The following CPAMD8 variants were observed in gnomAD, a reference collection of about 807,000 sequenced individuals.
The protein encoded by CPAMD8 is C3 and PZP like alpha-2-macroglobulin domain containing 8.
Under a neutral mutation model 224.7 loss-of-function variants are expected in CPAMD8, and 146 were observed. The observed-to-expected ratio is 0.65, with a 90% CI of 0.57 to 0.75. The LOEUF is 0.75. Ranked by LOEUF, CPAMD8 falls within the 30% of genes least tolerant of loss-of-function variation. CPAMD8 has a pLI of 0.00. For missense variants in CPAMD8, 2,301 were observed against 2,537.5 expected (o/e 0.91, Z 2.00); for synonymous variants, 966 against 1,044.6 (o/e 0.92, Z 1.45).
chr19:16,978,559 G>A (rs2055363914), intron 14 of CPAMD8, among the ~76,000 whole-genome samples: 1 of 152,148 alleles, frequency 6.6e-6, no homozygotes, highest in African/African-American at 2.4e-5. Flanking sequence ...GCTACCCAGG[G>A]GATGCTGGCA....
Position 16,898,295 on chromosome 19 carries a change from C to G in CPAMD8, c.4849-301G>C, listed in dbSNP as rs143845529. On this transcript the variant is annotated intron_variant, in intron 37 of 41. Transcript: ENST00000443236. This position sits in a 1 kb window ranked among gnomAD's most constrained non-coding sequence, Gnocchi z 4.2. The stretch of plus-strand genomic sequence containing the variant: ...AAGTAGCTGGGATAACAGGCGCCCA[C>G]CACCGCACCCTGCTAATTTTTTGTA... Among the ~76,000 whole-genome samples, 137 of 152,086 alleles carry G rather than the reference C, an allele frequency of 9.0e-4. No individual in the cohort carries two copies. Among genetic ancestry groups the G allele is most frequent in the African/African-American group, 3.2e-3 (133 of 41,488 alleles).
intron 31 of CPAMD8, 30 bp from the exon 32 acceptor site, chr19:16,904,392 T>C (rs749342501): frequency 1.2e-5 from 20 of 1,613,890 alleles, no homozygotes; most frequent in Non-Finnish European, 1.6e-5. Context: ...CTGGGGACTT[T>C]TGACACAGGG....
At chr19:16,940,819 C>G (rs2053863157) in intron 22 of CPAMD8, among the ~76,000 whole-genome samples, 1 of 152,234 alleles carries the variant, frequency 6.6e-6, no homozygotes, top group South Asian at 2.1e-4. Context: ...CCAGGGAAGG[C>G]CCCAGAAGCA....
chr19:16,979,470 TC>T, intron 14 of CPAMD8, among the ~76,000 whole-genome samples: 1 of 60,282 alleles, frequency 1.7e-5, no homozygotes, highest in African/African-American at 1.6e-4. Context: ...ATCTGTCCAT[TC>T]ATCCATCCAT....
At chr19:16,979,632 ATCTT>A (rs2122753818) in intron 14 of CPAMD8, among the ~76,000 whole-genome samples, 1 of 152,120 alleles carries the variant, frequency 6.6e-6, no homozygotes, top group African/African-American at 2.4e-5. Context: ...CCATTCATCC[ATCTT>A]TCTATCTGTC....
Position 16,896,334 on chromosome 19 carries a change from G to T in CPAMD8, c.5276-8C>A, listed in dbSNP as rs2051987039. 6.3e-7 allele frequency: 1 copy of T among 1,599,910 alleles called. No individual in the cohort carries two copies. The highest frequency in any genetic ancestry group is 1.3e-5 in the African/African-American group (1 of 74,578). On this transcript the variant is annotated splice_region_variant and splice_polypyrimidine_tract_variant and intron_variant, in intron 40 of 41. Transcript: ENST00000443236. ...AGGCCGGCAGCCGCTGCTCTGGAAG[G>T]AAGGGGGCCTCGGTCGGGAGGGCGT...
intron 29 of CPAMD8, among the ~76,000 whole-genome samples, chr19:16,913,590 C>T: frequency 6.6e-6 from 1 of 152,120 alleles, no homozygotes; most frequent in East Asian, 1.9e-4. Context: ...TTGTTGAAGC[C>T]ACTTACTCCA....
chr19:16,997,625 C>T (rs112755187), intron 10 of CPAMD8, among the ~76,000 whole-genome samples: 8,637 of 151,686 alleles, frequency 0.057, 278 homozygotes, highest in African/African-American at 0.089. Flanking sequence ...CTGTGGCGGG[C>T]GGGTCACTTG....
chr19:17,013,098 T>C (rs1486917438), intron 3 of CPAMD8, among the ~76,000 whole-genome samples: 1 of 152,108 alleles, frequency 6.6e-6, no homozygotes, highest in Non-Finnish European at 1.5e-5. Context: ...GGAGAATTGC[T>C]TGAACCCAGG....
chr19:16,893,614 A>T (rs2051844958), intron 41 of CPAMD8: 1 of 357,256 alleles, frequency 2.8e-6, no homozygotes, highest in Non-Finnish European at 5.1e-6. Context: ...AGGGGAATCA[A>T]AGTCTGCTGG....
At chr19:16,968,717 C>A (rs560450346) in intron 18 of CPAMD8, among the ~76,000 whole-genome samples, 1 of 152,254 alleles carries the variant, frequency 6.6e-6, no homozygotes, top group South Asian at 2.1e-4. Flanking sequence ...CAGCTCACTG[C>A]AGCCTCAACC....
At chr19:16,909,524 A>C (rs2052645146) in intron 29 of CPAMD8, among the ~76,000 whole-genome samples, 1 of 152,250 alleles carries the variant, frequency 6.6e-6, no homozygotes, top group Non-Finnish European at 1.5e-5. Context: ...AGCCTGGGCA[A>C]CAGAGCGAGA....
chr19:16,978,801 TCATCCATCCACCATCTACC>T (rs1036103118), intron 14 of CPAMD8, among the ~76,000 whole-genome samples: 1 of 149,976 alleles, frequency 6.7e-6, no homozygotes, highest in African/African-American at 2.5e-5. Flanking sequence ...ATCCATCTCT[TCATCCATCCACCATCTACC>T]CATCCATCCA....
intron 13 of CPAMD8, 147 bp downstream of exon 13, chr19:16,989,496 A>G (rs1342908657): frequency 3.3e-6 from 3 of 918,564 alleles, no homozygotes; most frequent in African/African-American, 1.7e-5. Context: ...CATGCTGGCC[A>G]GGCTGGTCTC....
At chr19:16,894,828 G>C (rs1345495800) in intron 41 of CPAMD8, 2 of 254,264 alleles carry the variant, frequency 7.9e-6, no homozygotes, top group Non-Finnish European at 1.6e-5. Flanking sequence ...GATCACTTGA[G>C]CCCAGGAATT....
At position 16,997,100 on chromosome 19, in the gene CPAMD8, C is replaced by T. The variant is rs117521081; in HGVS notation, c.1095+11G>A. ...CTTGGGCGGGAGGCAGCACAGTCAC[C>T]CCCAAGTTACCTTCCCCACGTAGGC... On this transcript the variant is annotated intron_variant, in intron 11 of 41. Coordinates refer to ENST00000443236, the MANE Select transcript of CPAMD8 (RefSeq NM_015692.5). The T allele has an allele frequency of 0.04, 63,501 of 1,584,108 alleles. 1,435 individuals are homozygous for T. Among genetic ancestry groups the T allele is most frequent in the Middle Eastern group, 0.057 (340 of 6,004 alleles).
chr19:17,005,534 C>T (rs903258365), intron 7 of CPAMD8, among the ~76,000 whole-genome samples: 4 of 152,108 alleles, frequency 2.6e-5, no homozygotes, highest in Admixed American at 6.6e-5. Context: ...CTCTGAGCCC[C>T]GTCCGCAGCT....
chr19:16,947,611 C>T (rs1212437013), intron 20 of CPAMD8, among the ~76,000 whole-genome samples: 1 of 152,234 alleles, frequency 6.6e-6, no homozygotes, highest in Non-Finnish European at 1.5e-5. Context: ...CAGAGTGCCT[C>T]TCCTGACCCT....
Position 16,989,654 on chromosome 19 carries a change from G to T in CPAMD8, c.1384C>A (p.His462Asn), listed in dbSNP as rs376494883. The T allele has an allele frequency of 4.3e-6, 7 of 1,613,878 alleles. No individual in the cohort carries two copies. The highest frequency in any genetic ancestry group is 4.0e-5 in the African/African-American group (3 of 75,048). Residue 462 changes from histidine (H) to asparagine (N), a missense_variant, in exon 13 of 42, where the codon CAC (histidine) becomes AAC (asparagine). His to Asn is a moderately conservative substitution (Grantham distance 68). Around this residue, in one of 4 missense-constraint regions of CPAMD8, gnomAD observed 301 missense variants for 406.6 expected, o/e 0.74. Transcript: ENST00000443236. ...CCTGAAAATCTTACCTGCAGTGGGT[G>T]GGAGGGTGGCTGCAGCTGCAGGTAG... Reference protein sequence around the residue: ...QCYLQLQPPSHPLQVGEEAYF... With the variant: ...QCYLQLQPPSNPLQVGEEAYF...
Sources: allele counts gnomAD v4.1 joint callset (sites outside exome capture counted in the v4.1 genomes callset), GRCh38; gene constraint gnomAD v4.1.1; regional missense constraint gnomAD v4.1.1; non-coding constraint Gnocchi (gnomAD v3.1); transcripts MANE v1.5; gene names NCBI Gene and HGNC (gene_info 2026-07-23, HGNC 2026-07-21).